The following KDM1A variants were observed in gnomAD, a reference collection of about 807,000 sequenced individuals.
KDM1A encodes the protein lysine-specific histone demethylase 1A.
A neutral mutation model predicts 109.4 loss-of-function variants in KDM1A; 49 were observed. The observed-to-expected ratio is 0.45, with a 90% CI of 0.36 to 0.57. The LOEUF (loss-of-function observed/expected upper bound fraction) is 0.57. KDM1A is among the 20% of genes least tolerant of loss of function. The probability of loss-of-function intolerance (pLI) is 0.00; values close to 1 mark genes in which losing one functional copy is unlikely to be tolerated. For missense variants in KDM1A, 668 were observed against 1,116.6 expected (o/e 0.60, Z 5.73); for synonymous variants, 380 against 415.4 (o/e 0.91, Z 1.04).
chr1:23,064,232 C>T (rs1470050650), intron 9 of KDM1A, among the ~76,000 whole-genome samples: 1 of 152,172 alleles, frequency 6.6e-6, no homozygotes. Flanking sequence ...ATATATTCGC[C>T]CTATGGGGAT....
intron 15 of KDM1A, 107 bp from the exon 16 acceptor site, chr1:23,077,121 T>C: frequency 9.4e-7 from 1 of 1,062,450 alleles, no homozygotes; most frequent in Non-Finnish European, 1.3e-6. Context: ...CCTTAAAATA[T>C]TGACTGTTTC....
intron 2 of KDM1A, among the ~76,000 whole-genome samples, chr1:23,033,098 T>C (rs1385329585): frequency 1.3e-5 from 2 of 152,188 alleles, no homozygotes; most frequent in Admixed American, 6.5e-5. Context: ...GGTTTCACCA[T>C]GTTGGCCCAC....
chr1:23,075,379 G>A (rs1023917435), intron 15 of KDM1A, among the ~76,000 whole-genome samples: 7 of 151,940 alleles, frequency 4.6e-5, no homozygotes, highest in Non-Finnish European at 8.8e-5. Flanking sequence ...TGAGTCAGGA[G>A]TTCAAGACCA....
chr1:23,019,937 A>C lies in KDM1A; in HGVS notation c.341A>C (p.Lys114Thr). 1 of 1,566,306 alleles carries C rather than the reference A, an allele frequency of 6.4e-7. No homozygotes were observed. Among genetic ancestry groups the C allele is most frequent in the Non-Finnish European group, 8.6e-7 (1 of 1,159,056 alleles). The change falls in exon 1 of 21, where the codon AAG (lysine) becomes ACG (threonine). Residue 114 changes from lysine (K) to threonine (T), a missense_variant. By Grantham distance (78) the Lys-to-Thr change is moderately conservative. Coordinates refer to ENST00000400181, the MANE Select transcript of KDM1A (RefSeq NM_001009999.3). ...TPEGRRTSRR[K>T]RAKVEYREMD... Reference sequence around the variant, plus strand: ...GAGGGGCGTCGGACCAGCCGGCGCAAGCGGGCGAAGGTAAGGCTCGACCCT... The same window carrying C: ...GAGGGGCGTCGGACCAGCCGGCGCACGCGGGCGAAGGTAAGGCTCGACCCT...
intron 3 of KDM1A, among the ~76,000 whole-genome samples, chr1:23,049,685 CAAA>C (rs887281685): frequency 5.3e-5 from 5 of 93,996 alleles, no homozygotes; most frequent in Admixed American, 1.1e-4. Context: ...AACTTCGTCT[CAAA>C]AAAAAAAAAA....
chr1:23,039,443 A>T (rs1642241994), intron 2 of KDM1A, among the ~76,000 whole-genome samples: 1 of 152,154 alleles, frequency 6.6e-6, no homozygotes, highest in Admixed American at 6.5e-5. Context: ...TTTTCCCTCT[A>T]ATCCATCTCG....
intron 2 of KDM1A, among the ~76,000 whole-genome samples, chr1:23,033,785 A>G (rs1642061701): frequency 1.3e-5 from 2 of 152,180 alleles, no homozygotes. Context: ...TTGGTTGACT[A>G]AGCCAGGCTA....
At chr1:23,078,405 C>G (rs1388438625) in intron 16 of KDM1A, among the ~76,000 whole-genome samples, 2 of 152,098 alleles carry the variant, frequency 1.3e-5, no homozygotes, top group Non-Finnish European at 2.9e-5. Context: ...AACAGACATT[C>G]ATTAAAAAAC....
At chr1:23,078,919 C>T (rs768745754) in intron 16 of KDM1A, 71 bp from the exon 17 acceptor site, 2 of 1,283,586 alleles carry the variant, frequency 1.6e-6, no homozygotes, top group Middle Eastern at 2.5e-4. Context: ...ATCTGTTGTA[C>T]ACTAAATGTT....
intron 2 of KDM1A, among the ~76,000 whole-genome samples, chr1:23,043,184 C>T (rs1240192605): frequency 1.3e-5 from 2 of 152,164 alleles, no homozygotes; most frequent in Admixed American, 6.5e-5. Context: ...GTAACCCGAT[C>T]GTCTCTTCAT....
intron 9 of KDM1A, among the ~76,000 whole-genome samples, chr1:23,063,439 T>G (rs1643076003): frequency 6.6e-6 from 1 of 152,136 alleles, no homozygotes; most frequent in South Asian, 2.1e-4. Flanking sequence ...CTTTGCCGGT[T>G]TTCATTTGTG....
chr1:23,047,507 T>TCAA (rs923472348), intron 3 of KDM1A, among the ~76,000 whole-genome samples: 3 of 152,196 alleles, frequency 2.0e-5, no homozygotes, highest in African/African-American at 7.2e-5. Context: ...GATTTAAAAA[T>TCAA]ACTTTGAAAC....
chr1:23,019,613 A>AGGCGGCAGCCGCGGC lies in KDM1A; in HGVS notation c.24_38dup (p.Ala14_Ala18dup). The AGGCGGCAGCCGCGGC allele has an allele frequency of 1.4e-6, 2 of 1,426,980 alleles. No homozygotes were observed. The highest frequency in any genetic ancestry group is 1.5e-5 in the South Asian group (1 of 65,904). 88.4% of individuals were successfully genotyped at this position (1,426,980 alleles called of 1,614,324 possible). A position where few individuals can be genotyped will look rare whatever the true frequency, so the allele number is the denominator to read the frequency against. On this transcript the variant is annotated inframe_insertion, in exon 1 of 21. Transcript: ENST00000400181. ...CGGCCCGAGATGTTATCTGGGAAGAAGGCGGCAGCCGCGGCGGCGGCGGCT... is the reference window on the plus strand; with the variant it reads ...CGGCCCGAGATGTTATCTGGGAAGAAGGCGGCAGCCGCGGCGGCGGCAGCCGCGGCGGCGGCGGCT...
intron 2 of KDM1A, among the ~76,000 whole-genome samples, chr1:23,043,889 A>G (rs1205366414): frequency 6.6e-6 from 1 of 152,252 alleles, no homozygotes; most frequent in Non-Finnish European, 1.5e-5. Context: ...TTTAGGAAGC[A>G]CTGGCATATT....
At chr1:23,082,610 T>G (rs956622368) in intron 20 of KDM1A, 9 of 390,802 alleles carry the variant, frequency 2.3e-5, no homozygotes, top group African/African-American at 1.6e-4. Flanking sequence ...TTTTTCCTTA[T>G]TCAGGTTTTC....
chr1:23,029,702 C>G (rs960409500), intron 1 of KDM1A, among the ~76,000 whole-genome samples: 1 of 152,020 alleles, frequency 6.6e-6, no homozygotes, highest in African/African-American at 2.4e-5. Context: ...TGCAGTGGTG[C>G]GATCTTGGCT....
intron 4 of KDM1A, 50 bp downstream of exon 4, chr1:23,050,570 G>A: frequency 7.0e-7 from 1 of 1,419,970 alleles, no homozygotes; most frequent in Non-Finnish European, 9.4e-7. Flanking sequence ...AGTATATATG[G>A]CTTTGATAGA....
chr1:23,023,191 T>C (rs908245218), intron 1 of KDM1A, among the ~76,000 whole-genome samples: 2 of 152,240 alleles, frequency 1.3e-5, no homozygotes, highest in African/African-American at 4.8e-5. Flanking sequence ...AAGAGTTCTT[T>C]ACATATTCTG....
Position 23,072,170 on chromosome 1 carries a change from T to C in KDM1A, c.1595T>C (p.Leu532Pro). Residue 532 changes from leucine to proline, a missense_variant, in exon 14 of 21, where the codon CTT becomes CCT. Leu to Pro is a moderately conservative substitution (Grantham distance 98). This residue lies in a region of KDM1A where 162 missense variants were observed against 376.4 expected (regional missense o/e 0.43). Coordinates refer to ENST00000400181, the MANE Select transcript of KDM1A (RefSeq NM_001009999.3). ...AETQGKLEEK[L>P]QELEANPPSD... ...ACACAAGGAAAGCTAGAAGAAAAAC[T>C]TCAGGAGTTGGAAGCGAATCCCCCA... 6.2e-7 allele frequency: 1 copy of C among 1,611,346 alleles called. No individual in the cohort carries two copies. Among genetic ancestry groups the C allele is most frequent in the South Asian group, 1.1e-5 (1 of 90,462 alleles).
Sources: gnomAD v4.1 joint callset for allele counts (sites outside exome capture counted in the v4.1 genomes callset) on GRCh38, gnomAD v4.1.1 for gene constraint, gnomAD v4.1.1 regional missense constraint, MANE v1.5 for transcripts, NCBI Gene and HGNC (gene_info 2026-07-23, HGNC 2026-07-21) for gene names.